Variants in LRP1B observed in about 807,000 individuals in gnomAD.
The protein encoded by LRP1B is LDL receptor related protein 1B.
Under a neutral mutation model 556.6 loss-of-function variants are expected in LRP1B, and 217 were observed. The ratio of observed to expected loss-of-function variants is 0.39; its 90% confidence interval spans 0.35 to 0.44. The LOEUF (loss-of-function observed/expected upper bound fraction) is 0.44, where lower values mean the gene tolerates loss of function less well. Among genes scored for constraint, LRP1B ranks in the 20% least tolerant of loss-of-function variants. The pLI, the probability that LRP1B is intolerant of heterozygous loss-of-function variation, is 1.00. For missense variants in LRP1B, 5,053 were observed against 5,620.8 expected (o/e 0.90, Z 3.23); for synonymous variants, 2,047 against 1,865.8 (o/e 1.10, Z -2.50).
intron 41 of LRP1B, among the ~76,000 whole-genome samples, chr2:140,615,320 T>C (rs1356674642): frequency 6.6e-6 from 1 of 152,070 alleles, no homozygotes; most frequent in Non-Finnish European, 1.5e-5. Flanking sequence ...ACAATCATCA[T>C]TCCCCATTCC....
intron 1 of LRP1B, among the ~76,000 whole-genome samples, chr2:142,061,469 T>G (rs544971971): frequency 6.6e-6 from 1 of 152,150 alleles, no homozygotes; most frequent in African/African-American, 2.4e-5. Flanking sequence ...ATGCCTACAT[T>G]AAAGCATTTG....
At chr2:140,558,081 C>A (rs778103315) in intron 43 of LRP1B, among the ~76,000 whole-genome samples, 3 of 152,082 alleles carry the variant, frequency 2.0e-5, no homozygotes, top group Non-Finnish European at 4.4e-5. Flanking sequence ...TCACCTCACA[C>A]GTGTTAAGAT....
intron 1 of LRP1B, among the ~76,000 whole-genome samples, chr2:141,847,180 C>T (rs552362561): frequency 8.0e-4 from 121 of 151,398 alleles, no homozygotes; most frequent in African/African-American, 2.8e-3. Flanking sequence ...ACACCCGAAA[C>T]CAATTAGAAG....
At chr2:141,875,453 G>A (rs1698726832) in intron 1 of LRP1B, among the ~76,000 whole-genome samples, 1 of 151,820 alleles carries the variant, frequency 6.6e-6, no homozygotes, top group Non-Finnish European at 1.5e-5. Context: ...AATTGATACT[G>A]ATGATTCTGT....
At position 141,618,212 on chromosome 2, in the gene LRP1B, T is replaced by G. The variant is rs906348549; in HGVS notation, c.206-137679A>C. Among the ~76,000 whole-genome samples the G allele has an allele frequency of 2.6e-5, 4 of 152,180 alleles. No individual in the cohort carries two copies. The East Asian group carries it at 5.8e-4, about 22-fold the overall frequency. ...TTTTTTTTTCCTCGCTAGTAATTTA[T>G]GGTCATCCTTTTACAAATTGGTGGT... On this transcript the variant is annotated intron_variant, in intron 2 of 90. Transcript: ENST00000389484.
chr2:141,796,870 T>C (rs1574370002), intron 2 of LRP1B, among the ~76,000 whole-genome samples: 1 of 151,862 alleles, frequency 6.6e-6, no homozygotes, highest in African/African-American at 2.4e-5. Context: ...ACTTTCCCTT[T>C]TGAAATACTA....
At chr2:141,289,114 T>G (rs1377979116) in intron 3 of LRP1B, among the ~76,000 whole-genome samples, 2 of 151,880 alleles carry the variant, frequency 1.3e-5, no homozygotes, top group African/African-American at 4.8e-5. Flanking sequence ...CCGGGCGCGG[T>G]GGCTTAACTC....
At chr2:140,273,602 G>A (rs1020408868) in intron 85 of LRP1B, among the ~76,000 whole-genome samples, 29 of 152,100 alleles carry the variant, frequency 1.9e-4, no homozygotes, top group East Asian at 3.9e-4. Context: ...AGCTCTCAGC[G>A]GAAGCTGTGA....
At position 140,933,639 on chromosome 2, in the gene LRP1B, CTGA is replaced by C. The variant is rs1695118858; in HGVS notation, c.3137-10495_3137-10493del. Among the ~76,000 whole-genome samples, 4 of 152,114 alleles carry C rather than the reference CTGA, an allele frequency of 2.6e-5. No homozygotes were observed. The South Asian group carries it at 8.3e-4, about 32-fold the overall frequency. ...CTTTAACAAAACAAGGGATGTTACT[CTGA>C]TGTCAAAGTGCATAATAATTGTCTT... On this transcript the variant is annotated intron_variant, in intron 20 of 90. Coordinates refer to ENST00000389484, the MANE Select transcript of LRP1B (RefSeq NM_018557.3).
At chr2:140,581,710 AC>A (rs1309950316) in intron 43 of LRP1B, among the ~76,000 whole-genome samples, 2 of 152,050 alleles carry the variant, frequency 1.3e-5, no homozygotes, top group African/African-American at 4.8e-5. Flanking sequence ...AGTATTGCCA[AC>A]CAAATGTTAG....
chr2:140,585,163 G>C (rs1427513907), intron 43 of LRP1B, among the ~76,000 whole-genome samples: 1 of 152,002 alleles, frequency 6.6e-6, no homozygotes, highest in African/African-American at 2.4e-5. Flanking sequence ...AGTGAATGTA[G>C]TTACACAATT....
chr2:140,246,881 T>G (rs1386843247), intron 87 of LRP1B, among the ~76,000 whole-genome samples: 2 of 151,470 alleles, frequency 1.3e-5, no homozygotes, highest in African/African-American at 4.8e-5. Context: ...GGATAAACTC[T>G]CCCAGCCTAA....
At chr2:140,346,526 CA>C (rs1256822088) in intron 77 of LRP1B, among the ~76,000 whole-genome samples, 1 of 151,900 alleles carries the variant, frequency 6.6e-6, no homozygotes, top group Non-Finnish European at 1.5e-5. Context: ...ATTTTTTCCA[CA>C]ATCATAATAA....
intron 3 of LRP1B, among the ~76,000 whole-genome samples, chr2:141,265,093 C>T (rs192949172): frequency 2.9e-4 from 44 of 152,270 alleles, no homozygotes; most frequent in African/African-American, 7.5e-4. Flanking sequence ...CAAACTCTCT[C>T]GAGACTCCCA....
At chr2:140,403,810 C>T (rs1350714263) in intron 66 of LRP1B, among the ~76,000 whole-genome samples, 1 of 151,932 alleles carries the variant, frequency 6.6e-6, no homozygotes, top group Admixed American at 6.5e-5. Flanking sequence ...AGATTGTCAC[C>T]AAGACACATA....
At chr2:141,501,766 C>T (rs1458381315) in intron 2 of LRP1B, among the ~76,000 whole-genome samples, 2 of 152,100 alleles carry the variant, frequency 1.3e-5, no homozygotes, top group African/African-American at 4.8e-5. Context: ...TAGAAAGTTA[C>T]AATTTTTGGA....
intron 43 of LRP1B, among the ~76,000 whole-genome samples, chr2:140,554,630 A>G (rs1274976044): frequency 6.6e-6 from 1 of 152,056 alleles, no homozygotes; most frequent in African/African-American, 2.4e-5. Context: ...CTAATAGAGG[A>G]TATTACAAGA....
intron 71 of LRP1B, among the ~76,000 whole-genome samples, chr2:140,365,242 C>T (rs1458636602): frequency 6.6e-6 from 1 of 151,376 alleles, no homozygotes; most frequent in Non-Finnish European, 1.5e-5. Context: ...TTAGAATAGC[C>T]AGTAAAAATT....
At chr2:140,371,117 C>T (rs1682974768) in intron 70 of LRP1B, 62 bp downstream of exon 70, 3 of 1,103,962 alleles carry the variant, frequency 2.7e-6, no homozygotes, top group Non-Finnish European at 3.9e-6. Flanking sequence ...ATTTTCATTA[C>T]ATTTGTTTGC....
Sources: allele counts gnomAD v4.1 joint callset (sites outside exome capture counted in the v4.1 genomes callset), GRCh38; gene constraint gnomAD v4.1.1; transcripts MANE v1.5; gene names NCBI Gene and HGNC (gene_info 2026-07-23, HGNC 2026-07-21).